The following ACSBG2 variants were observed in gnomAD, a reference collection of about 807,000 sequenced individuals.
The protein encoded by ACSBG2 is acyl-CoA synthetase bubblegum family member 2.
A neutral mutation model predicts 74.7 loss-of-function variants in ACSBG2; 62 were observed. The observed-to-expected ratio is 0.83, with a 90% confidence interval of 0.68 to 1.03. ACSBG2 has a LOEUF of 1.03. ACSBG2 is among the 50% of genes least tolerant of loss of function. The pLI is 0.00. For missense variants in ACSBG2, 730 were observed against 817.6 expected, an observed-to-expected ratio of 0.89 and a Z score of 1.31; for synonymous variants, 309 against 294.1, an observed-to-expected ratio of 1.05 and a Z score of -0.52.
chr19:6,185,233 A>G (rs16993452), intron 10 of ACSBG2, among the ~76,000 whole-genome samples: 12,752 of 152,132 alleles, frequency 0.084, 935 homozygotes, highest in African/African-American at 0.2. Flanking sequence ...GGCCACTGCT[A>G]GGTTTCCCAG....
chr19:6,159,697 T>C (rs1341133412), intron 5 of ACSBG2, among the ~76,000 whole-genome samples: 2 of 152,194 alleles, frequency 1.3e-5, no homozygotes, highest in Non-Finnish European at 2.9e-5. Context: ...CTGCTTATAA[T>C]CCTCTAATTC....
At chr19:6,179,891 G>A (rs1256811451) in intron 8 of ACSBG2, among the ~76,000 whole-genome samples, 10 of 152,120 alleles carry the variant, frequency 6.6e-5, no homozygotes. Flanking sequence ...GGGATTACAG[G>A]CATAAGCAAG....
chr19:6,179,007 G>C lies in ACSBG2; in HGVS notation c.906+1611G>C, dbSNP rs185786795. Among the ~76,000 whole-genome samples the C allele has an allele frequency of 5.9e-3, 892 of 152,306 alleles. 3 individuals are homozygous for C. The highest frequency in any genetic ancestry group is 0.021 in the African/African-American group (853 of 41,560). On this transcript the variant is annotated intron_variant, in intron 8 of 14. Transcript: ENST00000588485. ...CAGATAGTCATTGGCTGTGGGCTCA[G>C]GCATCCATGTGGGATAGGGAGCATA...
chr19:6,175,274 T>C (rs528999317), intron 7 of ACSBG2: 1 of 151,262 alleles, frequency 6.6e-6, no homozygotes, highest in South Asian at 2.1e-4. Flanking sequence ...TTCCTTCTAT[T>C]TCCTCATTCA....
At chr19:6,177,768 A>G (rs953638849) in intron 8 of ACSBG2, among the ~76,000 whole-genome samples, 1 of 151,030 alleles carries the variant, frequency 6.6e-6, no homozygotes, top group Non-Finnish European at 1.5e-5. Flanking sequence ...AGCTGGCTAC[A>G]TTCTCCTAGT....
At chr19:6,156,977 C>T (rs536028759) in intron 5 of ACSBG2, among the ~76,000 whole-genome samples, 30 of 151,532 alleles carry the variant, frequency 2.0e-4, no homozygotes, top group African/African-American at 6.5e-4. Context: ...GACAGAGTCT[C>T]GCTCTGTCGC....
In ACSBG2 at chr19:6,182,899, T is replaced by G; in HGVS notation, c.1055T>G (p.Ile352Ser). Residue 352 changes from isoleucine (I) to serine (S), a missense_variant, in exon 9 of 15, where the codon ATT (isoleucine) becomes AGT (serine). Ile to Ser is a moderately radical substitution (Grantham distance 142, BLOSUM62 -2). Coordinates refer to ENST00000588485, the MANE Select transcript of ACSBG2 (RefSeq NM_030924.5). ...KKKAFVWARN[I>S]GFKVNSKKML... ...AAGGCATTCGTGTGGGCAAGAAACA[T>G]TGGCTTCAAGGTCAACTCAAAAAAG... 1 of 1,614,090 alleles carries G rather than the reference T, an allele frequency of 6.2e-7. No homozygotes were observed. The highest frequency in any genetic ancestry group is 1.1e-5 in the South Asian group (1 of 91,076).
At chr19:6,139,205 G>A (rs1007006068) in intron 1 of ACSBG2, among the ~76,000 whole-genome samples, 5 of 151,052 alleles carry the variant, frequency 3.3e-5, no homozygotes, top group Non-Finnish European at 5.9e-5. Context: ...CTCCTGACTC[G>A]ACCTCCCAAG....
At position 6,187,315 on chromosome 19, in the gene ACSBG2, C is replaced by T. The variant is rs781480607; in HGVS notation, c.1573C>T (p.Pro525Ser). 1.2e-5 allele frequency: 20 copies of T among 1,614,106 alleles called. No homozygotes were observed. The highest frequency in any genetic ancestry group is 1.7e-5 in the Non-Finnish European group (20 of 1,180,006). The change falls in exon 12 of 15, where the codon CCC becomes TCC. Residue 525 changes from proline to serine, a missense_variant. By Grantham distance (74) the Pro-to-Ser change is moderately conservative (BLOSUM62 -1). Coordinates refer to ENST00000588485, the MANE Select transcript of ACSBG2 (RefSeq NM_030924.5). ...ILITAGGENV[P>S]PIPVETLVKK... ...TATCACTGCTGGTGGTGAAAATGTG[C>T]CCCCCATTCCTGTTGAGACCTTGGT...
intron 6 of ACSBG2, chr19:6,161,513 C>A: frequency 2.2e-6 from 1 of 457,096 alleles, no homozygotes; most frequent in South Asian, 2.7e-5. Context: ...TTTCAAAGGA[C>A]GTGAAATGTG....
intron 7 of ACSBG2, among the ~76,000 whole-genome samples, chr19:6,166,581 G>A (rs1175528311): frequency 1.3e-5 from 2 of 151,920 alleles, no homozygotes; most frequent in African/African-American, 4.8e-5. Flanking sequence ...CCAAAGTGCT[G>A]GGATTACAGG....
At chr19:6,163,649 G>A (rs2089699999) in intron 6 of ACSBG2, among the ~76,000 whole-genome samples, 1 of 151,824 alleles carries the variant, frequency 6.6e-6, no homozygotes, top group African/African-American at 2.4e-5. Flanking sequence ...GCTGAGAGAG[G>A]AGAATCACTT....
chr19:6,152,301 T>A (rs2089266095), intron 4 of ACSBG2, among the ~76,000 whole-genome samples: 9 of 71,336 alleles, frequency 1.3e-4, no homozygotes, highest in African/African-American at 3.6e-4. Context: ...TTTTTTTTTT[T>A]GAGACGGAGT....
intron 4 of ACSBG2, among the ~76,000 whole-genome samples, chr19:6,154,322 C>G (rs531707473): frequency 6.7e-6 from 1 of 149,632 alleles, no homozygotes; most frequent in Admixed American, 6.7e-5. Flanking sequence ...CACTTGAACC[C>G]GGGACGCAGA....
At chr19:6,152,752 T>A (rs1443044447) in intron 4 of ACSBG2, among the ~76,000 whole-genome samples, 1 of 152,146 alleles carries the variant, frequency 6.6e-6, no homozygotes, top group East Asian at 1.9e-4. Context: ...GAAGTGTTAT[T>A]AGTGATGGCA....
chr19:6,190,359 A>G, intron 13 of ACSBG2: 3 of 511,840 alleles, frequency 5.9e-6, no homozygotes, highest in Middle Eastern at 5.6e-4. Context: ...AGAATGCACC[A>G]TGCTCTTCAC....
At chr19:6,170,934 T>C (rs1471432073) in intron 7 of ACSBG2, among the ~76,000 whole-genome samples, 2 of 152,228 alleles carry the variant, frequency 1.3e-5, no homozygotes, top group Admixed American at 1.3e-4. Flanking sequence ...GATCTTCTGG[T>C]TGAATTTAAC....
chr19:6,187,840 A>G lies in ACSBG2; in HGVS notation c.1922A>G (p.Glu641Gly). 1 of 1,613,986 alleles carries G rather than the reference A, an allele frequency of 6.2e-7. No homozygotes were observed. Among genetic ancestry groups the G allele is most frequent in the Non-Finnish European group, 8.5e-7 (1 of 1,179,936 alleles). ...AAGGACTTTTCCATCTATGGTGGAG[A>G]GCTAGGTGAGTGGCCATGACATTTG... ...LEKDFSIYGG[E>G]LGPMMKLKRH... Residue 641 changes from glutamate (E) to glycine (G), a missense_variant, in exon 13 of 15, where the codon GAG becomes GGG. By Grantham distance (98) the Glu-to-Gly change is moderately conservative. Coordinates refer to ENST00000588485, the MANE Select transcript of ACSBG2 (RefSeq NM_030924.5).
At chr19:6,146,464 C>T (rs540890539) in intron 2 of ACSBG2, among the ~76,000 whole-genome samples, 4 of 86,570 alleles carry the variant, frequency 4.6e-5, no homozygotes, top group East Asian at 3.3e-4. Context: ...AGTGAGACTC[C>T]GTCTCAAAAA....
Sources: gnomAD v4.1 joint callset for allele counts (sites outside exome capture counted in the v4.1 genomes callset) on GRCh38, gnomAD v4.1.1 for gene constraint, MANE v1.5 for transcripts, NCBI Gene and HGNC (gene_info 2026-07-23, HGNC 2026-07-21) for gene names.